Variants in NDST4 observed in about 807,000 individuals in gnomAD.
NDST4 encodes the protein N-deacetylase and N-sulfotransferase 4, also known as N-heparan sulfate sulfotransferase 4.
A neutral mutation model predicts 100.8 loss-of-function variants in NDST4; 63 were observed. The ratio of observed to expected loss-of-function variants is 0.62; its 90% CI spans 0.51 to 0.77. The LOEUF (loss-of-function observed/expected upper bound fraction) is 0.77, where lower values mean the gene tolerates loss of function less well. NDST4 is among the 30% of genes least tolerant of loss of function. NDST4 has a pLI of 0.00. For synonymous variants in NDST4, 377 were observed against 361.8 expected (o/e 1.04, Z -0.48); for missense variants, 943 against 1,018.4 (o/e 0.93, Z 1.01).
At chr4:114,896,867 A>C (rs1254725144) in intron 6 of NDST4, among the ~76,000 whole-genome samples, 1 of 152,160 alleles carries the variant, frequency 6.6e-6, no homozygotes, top group African/African-American at 2.4e-5. Context: ...CCCAGAAGTC[A>C]ACCATGTACA....
chr4:114,870,735 C>A (rs754096418), intron 7 of NDST4, 33 bp downstream of exon 7: 1 of 1,543,054 alleles, frequency 6.5e-7, no homozygotes, highest in South Asian at 1.2e-5. Flanking sequence ...TAGTTTCTTT[C>A]CTTCCACCCC....
intron 1 of NDST4, among the ~76,000 whole-genome samples, chr4:115,110,127 G>T (rs1330342040): frequency 6.6e-6 from 1 of 151,852 alleles, no homozygotes; most frequent in East Asian, 1.9e-4. Context: ...GTTTTCCTTA[G>T]AAAACTGAGA....
chr4:114,980,061 A>C (rs1726732790), intron 2 of NDST4, among the ~76,000 whole-genome samples: 1 of 152,170 alleles, frequency 6.6e-6, no homozygotes, highest in Non-Finnish European at 1.5e-5. Context: ...ACAAATTCAG[A>C]AGAAAAGTAG....
In NDST4 at chr4:115,010,305, G is replaced by T. The variant is rs1293568008; in HGVS notation, c.979-33031C>A. Among the ~76,000 whole-genome samples, 6 of 126,872 alleles carry T rather than the reference G, an allele frequency of 4.7e-5. 2 individuals carry two copies. Among genetic ancestry groups the T allele is most frequent in the Non-Finnish European group, 1.0e-4 (6 of 59,508 alleles). The allele number at this position is 126,872 out of a possible 152,430, so 83.2% of individuals were successfully genotyped here. A position where few individuals can be genotyped will look rare whatever the true frequency, so the allele number is the denominator to read the frequency against. ...CCAACCCAAATGTCCAACAGTGATA[G>T]ACTGGATTAAGAAAATGTGGCACAT... On this transcript the variant is annotated intron_variant, in intron 2 of 13. Coordinates refer to ENST00000264363, the MANE Select transcript of NDST4 (RefSeq NM_022569.3).
At chr4:115,037,325 G>T (rs1012061400) in intron 2 of NDST4, among the ~76,000 whole-genome samples, 2 of 152,082 alleles carry the variant, frequency 1.3e-5, no homozygotes, top group African/African-American at 4.8e-5. Context: ...ACTGTAGATG[G>T]TATTTTAGTT....
chr4:115,031,253 T>C (rs1728109867), intron 2 of NDST4, among the ~76,000 whole-genome samples: 2 of 152,102 alleles, frequency 1.3e-5, no homozygotes, highest in Non-Finnish European at 2.9e-5. Context: ...TCATTGTTGT[T>C]TTTAATGCCT....
Position 114,832,577 on chromosome 4 carries a change from A to G in NDST4, c.2396+1029T>C, listed in dbSNP as rs543403374. Among the ~76,000 whole-genome samples, 38 of 152,288 alleles carry G rather than the reference A, an allele frequency of 2.5e-4. 1 individual carries two copies. In the South Asian group the frequency reaches 7.9e-3, roughly 32 times the overall value. On this transcript the variant is annotated intron_variant, in intron 12 of 13. Transcript: ENST00000264363. ...TAAAAATATATGGTTTTATTTTCCC[A>G]AGATGACAGCAATCATATCTCCCAT... is the stretch of plus-strand genomic sequence containing the variant.
chr4:115,071,866 A>AT (rs765327810), intron 2 of NDST4, among the ~76,000 whole-genome samples: 15 of 152,074 alleles, frequency 9.9e-5, no homozygotes, highest in Non-Finnish European at 1.9e-4. Context: ...TGACTAGAAT[A>AT]TTTTTTCTAT....
At chr4:114,974,651 C>T (rs76363041) in intron 3 of NDST4, among the ~76,000 whole-genome samples, 3,624 of 152,164 alleles carry the variant, frequency 0.024, 63 homozygotes, top group Middle Eastern at 0.068. Flanking sequence ...TTCTAAACTC[C>T]GTGCTTTTAT....
rs1017747104 is a variant in NDST4 at position 115,106,188 on chromosome 4, G to T, written c.-247+7256C>A. 3.3e-5 allele frequency among the ~76,000 whole-genome samples: 5 copies of T among 152,036 alleles called. No individual in the cohort carries two copies. The East Asian group carries it at 7.7e-4, about 23-fold the overall frequency. On this transcript the variant is annotated intron_variant, in intron 1 of 13. Coordinates refer to ENST00000264363, the MANE Select transcript of NDST4 (RefSeq NM_022569.3). Reference sequence around the variant, plus strand: ...TCATAGAAGACTGCTATTAACATGAGGCATCGGGAAACTGAGAATGATGAA... The same window carrying T: ...TCATAGAAGACTGCTATTAACATGATGCATCGGGAAACTGAGAATGATGAA...
intron 8 of NDST4, among the ~76,000 whole-genome samples, chr4:114,851,134 T>C (rs1723667428): frequency 6.6e-6 from 1 of 152,160 alleles, no homozygotes; most frequent in African/African-American, 2.4e-5. Flanking sequence ...GCACCACATT[T>C]AAGTCACTGA....
In NDST4 at chr4:114,837,183, G is replaced by A. The variant is rs141797217; in HGVS notation, c.2286+2195C>T. Among the ~76,000 whole-genome samples, 19 of 151,918 alleles carry A rather than the reference G, an allele frequency of 1.3e-4. No individual in the cohort carries two copies. The East Asian group carries it at 2.7e-3, about 22-fold the overall frequency. ...GCTGGAGAGGAGTTGCAATCATTTG[G>A]AGGAGAAGAGGCATTCTGGTTTTTG... On this transcript the variant is annotated intron_variant, in intron 11 of 13. Transcript: ENST00000264363.
chr4:114,883,325 T>C (rs1724410773), intron 6 of NDST4, among the ~76,000 whole-genome samples: 2 of 152,098 alleles, frequency 1.3e-5, no homozygotes, highest in African/African-American at 2.4e-5. Flanking sequence ...GCATTGGGGA[T>C]ACTGAGTTAT....
rs192760210 is a variant in NDST4 at position 115,046,998 on chromosome 4, C to A, written c.978+29061G>T. 3.4e-3 allele frequency among the ~76,000 whole-genome samples: 520 copies of A among 152,164 alleles called. 3 individuals carry two copies. The highest frequency in any genetic ancestry group is 4.1e-3 in the Non-Finnish European group (277 of 67,956). On this transcript the variant is annotated intron_variant, in intron 2 of 13. Coordinates refer to ENST00000264363, the MANE Select transcript of NDST4 (RefSeq NM_022569.3). ...TAAAAGCACATTCTAACAGCTTAAG[C>A]ACTTAATGATGTTCATTCTTTACAA...
intron 4 of NDST4, among the ~76,000 whole-genome samples, chr4:114,950,235 A>G (rs1440675873): frequency 2.0e-5 from 3 of 151,998 alleles, no homozygotes; most frequent in Non-Finnish European, 4.4e-5. Flanking sequence ...TCTGGAGCCA[A>G]ATCGATTTAT....
intron 2 of NDST4, among the ~76,000 whole-genome samples, chr4:115,072,749 G>C (rs1326547501): frequency 3.3e-5 from 5 of 152,038 alleles, no homozygotes; most frequent in Admixed American, 3.3e-4. Flanking sequence ...AGAAAACATA[G>C]AGGGAACTTC....
At position 114,986,793 on chromosome 4, in the gene NDST4, C is replaced by CATATATATATAT. The variant is rs59806494; in HGVS notation, c.979-9531_979-9520dup. Among the ~76,000 whole-genome samples the CATATATATATAT allele has an allele frequency of 1.6e-3, 146 of 91,086 alleles. 2 individuals carry two copies. Among genetic ancestry groups the CATATATATATAT allele is most frequent in the African/African-American group, 3.7e-3 (82 of 22,080 alleles). The allele number at this position is 91,086 out of a possible 152,430, so 59.8% of individuals were successfully genotyped here. A position where few individuals can be genotyped will look rare whatever the true frequency, so the allele number is the denominator to read the frequency against. ...CCTCTAAGCCTGGTATCCAATTATA[C>CATATATATATAT]ATATATATATATATATATATATATA... is the stretch of plus-strand genomic sequence containing the variant. On this transcript the variant is annotated intron_variant, in intron 2 of 13. Coordinates refer to ENST00000264363, the MANE Select transcript of NDST4 (RefSeq NM_022569.3).
intron 2 of NDST4, among the ~76,000 whole-genome samples, chr4:115,045,645 C>T (rs1728449371): frequency 6.6e-6 from 1 of 152,130 alleles, no homozygotes; most frequent in Admixed American, 6.6e-5. Context: ...AGACCTTTTT[C>T]ATTCTGGAGA....
chr4:115,048,699 A>G (rs569630), intron 2 of NDST4, among the ~76,000 whole-genome samples: 40,084 of 151,832 alleles, frequency 0.26, 7,678 homozygotes, highest in African/African-American at 0.52. Context: ...GAGCAGGGGC[A>G]TGATCTGGGC....
Sources: allele counts gnomAD v4.1 joint callset (sites outside exome capture counted in the v4.1 genomes callset), GRCh38; gene constraint gnomAD v4.1.1; transcripts MANE v1.5; gene names NCBI Gene and HGNC (gene_info 2026-07-23, HGNC 2026-07-21).